Variants in ZC3H3 observed in about 807,000 individuals in gnomAD.
ZC3H3 encodes the protein zinc finger CCCH-type containing 3, also known as zinc finger CCCH domain-containing protein 3.
A neutral mutation model predicts 77.3 loss-of-function variants in ZC3H3; 36 were observed. The ratio of observed to expected loss-of-function variants is 0.47; its 90% CI spans 0.36 to 0.61. ZC3H3 has a LOEUF of 0.61. Among genes scored for constraint, ZC3H3 ranks in the 20% least tolerant of loss-of-function variants. ZC3H3 has a pLI of 0.00. For synonymous variants in ZC3H3, 626 were observed against 555.2 expected (o/e 1.13, Z -1.79); for missense variants, 1,331 against 1,312.2 (o/e 1.01, Z -0.22).
intron 9 of ZC3H3, among the ~76,000 whole-genome samples, chr8:143,445,881 T>C (rs1202278487): frequency 2.0e-5 from 3 of 152,058 alleles, no homozygotes. Flanking sequence ...AAATCTAAAA[T>C]GTATTTCTGG....
chr8:143,452,248 G>T (rs533442587), intron 9 of ZC3H3, among the ~76,000 whole-genome samples: 1 of 152,288 alleles, frequency 6.6e-6, no homozygotes, highest in African/African-American at 2.4e-5. Context: ...CATCCCCCAC[G>T]GAGTCAGTGG....
intron 4 of ZC3H3, among the ~76,000 whole-genome samples, chr8:143,482,389 G>A (rs925970815): frequency 1.3e-5 from 2 of 152,218 alleles, no homozygotes; most frequent in Admixed American, 1.3e-4. Context: ...TGCCGGGCAC[G>A]CAGGGGGCTC....
intron 9 of ZC3H3, among the ~76,000 whole-genome samples, chr8:143,446,459 CCT>C (rs1819865198): frequency 1.3e-5 from 2 of 152,032 alleles, no homozygotes; most frequent in African/African-American, 4.8e-5. Flanking sequence ...TTATAAATTC[CCT>C]CTGAGTCAGT....
intron 5 of ZC3H3, among the ~76,000 whole-genome samples, chr8:143,473,128 A>G (rs1820623149): frequency 6.6e-6 from 1 of 152,174 alleles, no homozygotes. Context: ...CTCAGTCAGT[A>G]CTACTATCGT....
intron 3 of ZC3H3, among the ~76,000 whole-genome samples, chr8:143,517,154 T>C (rs546453837): frequency 2.6e-5 from 4 of 152,340 alleles, no homozygotes; most frequent in Non-Finnish European, 5.9e-5. Flanking sequence ...CCGTTAATTA[T>C]TGTGCGCGAG....
intron 9 of ZC3H3, among the ~76,000 whole-genome samples, chr8:143,451,042 G>A (rs539796374): frequency 6.6e-6 from 1 of 152,266 alleles, no homozygotes; most frequent in African/African-American, 2.4e-5. Flanking sequence ...AACCACCAGA[G>A]AAGGCCTGTG....
chr8:143,479,896 A>C (rs1244266243), intron 4 of ZC3H3, among the ~76,000 whole-genome samples: 5 of 152,236 alleles, frequency 3.3e-5, no homozygotes, highest in African/African-American at 9.6e-5. Context: ...AGGTGTATGA[A>C]GAAGCTGTCT....
intron 1 of ZC3H3, among the ~76,000 whole-genome samples, chr8:143,540,863 G>A (rs1011449671): frequency 1.3e-5 from 2 of 152,174 alleles, no homozygotes; most frequent in African/African-American, 2.4e-5. Context: ...GGCTGAGGCA[G>A]GAGAATCACT....
At chr8:143,501,722 C>A (rs545637736) in intron 4 of ZC3H3, among the ~76,000 whole-genome samples, 29 of 149,990 alleles carry the variant, frequency 1.9e-4, no homozygotes, top group African/African-American at 6.4e-4. Flanking sequence ...CATGCCCGGC[C>A]CCGGGGCGCT....
In ZC3H3 at chr8:143,507,820, C is replaced by G; in HGVS notation, c.1641G>C (p.Pro547=). 1 of 1,609,444 alleles carries G rather than the reference C, an allele frequency of 6.2e-7. No homozygotes were observed. The highest frequency in any genetic ancestry group is 2.2e-5 in the East Asian group (1 of 44,692). The change falls in exon 4 of 12, where the codon CCG becomes CCC. Residue 547 remains proline, a synonymous_variant. Coordinates refer to ENST00000262577, the MANE Select transcript of ZC3H3 (RefSeq NM_015117.3). The part of the protein sequence containing the change: ...KTRYRIVKKT[P]ASPLSAPPFP... ...AGGGCGGGGCGCTGAGAGGCGAGGC[C>G]GGCGTCTTCTTGACAATGCGGTAGC... is the stretch of plus-strand genomic sequence containing the variant.
chr8:143,535,091 C>A (rs1822751266), intron 3 of ZC3H3, among the ~76,000 whole-genome samples: 1 of 152,034 alleles, frequency 6.6e-6, no homozygotes, highest in Non-Finnish European at 1.5e-5. Context: ...GTCGCCCAGA[C>A]TGGAATGCAA....
At chr8:143,484,825 T>TC (rs148190866) in intron 4 of ZC3H3, 3 of 444,484 alleles carry the variant, frequency 6.7e-6, no homozygotes, top group South Asian at 1.6e-5. Context: ...ACAGCAGACA[T>TC]CCCCCCACTC....
At position 143,468,474 on chromosome 8, in the gene ZC3H3, C is replaced by T. The variant is rs1486749248; in HGVS notation, c.2013G>A (p.Glu671=). The part of the protein sequence containing the change: ...QARQRREKRK[E]YCMYYNRFGR... ...CGAAGCGGTTGTAGTACATGCAGTA[C>T]TCCTTCCTCTTCTCCCTGCGCTGCC... Residue 671 remains glutamate (E), a synonymous_variant, in exon 7 of 12, where the codon GAG becomes GAA. Transcript: ENST00000262577. 1.2e-6 allele frequency: 2 copies of T among 1,609,124 alleles called. No homozygotes were observed. Among genetic ancestry groups the T allele is most frequent in the Admixed American group, 1.7e-5 (1 of 59,598 alleles).
intron 4 of ZC3H3, among the ~76,000 whole-genome samples, chr8:143,476,787 C>T (rs1050233611): frequency 5.3e-5 from 8 of 152,232 alleles, no homozygotes; most frequent in African/African-American, 7.2e-5. Flanking sequence ...CTGCTCTACG[C>T]TCCCCATCCC....
intron 4 of ZC3H3, among the ~76,000 whole-genome samples, chr8:143,505,290 G>A (rs947512819): frequency 2.0e-5 from 3 of 152,348 alleles, no homozygotes; most frequent in Middle Eastern, 3.4e-3. Context: ...GGCCTGCCGA[G>A]GGAGGGCTGA....
chr8:143,466,003 G>C (rs900163656), intron 8 of ZC3H3, among the ~76,000 whole-genome samples, 155 bp from the exon 9 acceptor site: 1 of 152,196 alleles, frequency 6.6e-6, no homozygotes, highest in African/African-American at 2.4e-5. Flanking sequence ...GCGGGGCAGG[G>C]AAGCTGCTGC....
intron 10 of ZC3H3, among the ~76,000 whole-genome samples, 173 bp downstream of exon 10, chr8:143,440,763 G>C (rs913128293): frequency 6.6e-6 from 1 of 152,238 alleles, no homozygotes; most frequent in East Asian, 1.9e-4. Context: ...TGGAAGTGGG[G>C]TAGGGGCATC....
chr8:143,444,588 G>A (rs1459008605), intron 9 of ZC3H3, among the ~76,000 whole-genome samples: 1 of 152,142 alleles, frequency 6.6e-6, no homozygotes, highest in East Asian at 1.9e-4. Flanking sequence ...ACAAAAATTA[G>A]CACATTAACA....
rs542639325 is a variant in ZC3H3 at position 143,489,839 on chromosome 8, C to G, written c.1716-14254G>C. On this transcript the variant is annotated intron_variant, in intron 4 of 11. Coordinates refer to ENST00000262577, the MANE Select transcript of ZC3H3 (RefSeq NM_015117.3). ...GACGCAATCTTAGCAGACGTCCAAC[C>G]GCAAATTAAACCGCGCCTGACTCTG... 1.5e-4 allele frequency among the ~76,000 whole-genome samples: 23 copies of G among 152,274 alleles called. No individual in the cohort carries two copies. The South Asian group carries it at 3.9e-3, about 26-fold the overall frequency.
Sources: gnomAD v4.1 joint callset for allele counts (sites outside exome capture counted in the v4.1 genomes callset) on GRCh38, gnomAD v4.1.1 for gene constraint, MANE v1.5 for transcripts, NCBI Gene and HGNC (gene_info 2026-07-23, HGNC 2026-07-21) for gene names.